The following LEPROTL1 variants were observed in gnomAD, a reference collection of about 807,000 sequenced individuals.
The protein encoded by LEPROTL1 is leptin receptor overlapping transcript like 1, also known as leptin receptor overlapping transcript-like 1.
LEPROTL1 carries 6 observed loss-of-function variants against 15.4 expected under a neutral mutation model. That is an observed-to-expected ratio of 0.39 (90% confidence interval 0.21 to 0.77). The LOEUF is 0.77. Among genes scored for constraint, LEPROTL1 ranks in the 30% least tolerant of loss-of-function variants. The pLI is 0.41. For synonymous variants in LEPROTL1, 56 were observed against 52.6 expected, an observed-to-expected ratio of 1.06 and a Z score of -0.28; for missense variants, 128 against 158.1, an observed-to-expected ratio of 0.81 and a Z score of 1.02.
intron 3 of LEPROTL1, among the ~76,000 whole-genome samples, chr8:30,129,582 G>A (rs954948213): frequency 2.4e-4 from 37 of 152,122 alleles, no homozygotes; most frequent in African/African-American, 5.8e-4. Context: ...GCATGTGCCC[G>A]TAGTCCCAGC....
chr8:30,105,926 G>A lies in LEPROTL1; in HGVS notation c.*64G>A. The A allele has an allele frequency of 7.1e-7, 1 of 1,416,314 alleles. No homozygotes were observed. Among genetic ancestry groups the A allele is most frequent in the Non-Finnish European group, 9.3e-7 (1 of 1,075,752 alleles). The allele number at this position is 1,416,314 out of a possible 1,614,324, so 87.7% of individuals were successfully genotyped here. On this transcript the variant is annotated 3_prime_UTR_variant, in exon 4 of 4. Transcript: ENST00000321250. Reference sequence around the variant, plus strand: ...CATTTGTTGGCCATTCACGCACACAGGAGATGGGGCAGTTAATGCTGAATG... The same window carrying A: ...CATTTGTTGGCCATTCACGCACACAAGAGATGGGGCAGTTAATGCTGAATG...
chr8:30,106,862 A>G lies in LEPROTL1; in HGVS notation c.*1000A>G. 1.0e-6 allele frequency: 1 copy of G among 984,004 alleles called. No individual in the cohort carries two copies. The highest frequency in any genetic ancestry group is 1.2e-6 in the Non-Finnish European group (1 of 828,254). 61.0% of individuals were successfully genotyped at this position (984,004 alleles called of 1,614,324 possible). A position where few individuals can be genotyped will look rare whatever the true frequency, so the allele number is the denominator to read the frequency against. ...TTATTTGGTATGTTGTATATATTAC[A>G]TAAAATAACTTTTCAAATATAGTTT... is the stretch of plus-strand genomic sequence containing the variant. On this transcript the variant is annotated 3_prime_UTR_variant, in exon 4 of 4. Coordinates refer to ENST00000321250, the MANE Select transcript of LEPROTL1 (RefSeq NM_015344.3).
At chr8:30,110,074 C>G (rs1802632135), downstream of LEPROTL1, among the ~76,000 whole-genome samples, 1 of 152,048 alleles carries the variant, frequency 6.6e-6, no homozygotes, top group Non-Finnish European at 1.5e-5. Context: ...TGTTTAGTTA[C>G]TGAAAGTTTA....
rs1258225281 is a variant in LEPROTL1 at position 30,114,787 on chromosome 8, A to G, written c.279+10301A>G. On this transcript the variant is annotated intron_variant, in intron 3 of 4. Transcript: ENST00000442880. ...AGATTGGCTGTGATTCTACTGGAAT[A>G]TTGTCTCAGGAACCTGGGCTATCAG... Among the ~76,000 whole-genome samples, 7 of 152,164 alleles carry G rather than the reference A, an allele frequency of 4.6e-5. No individual in the cohort carries two copies. In the East Asian group the frequency reaches 1.3e-3, roughly 29 times the overall value.
intron 2 of LEPROTL1, among the ~76,000 whole-genome samples, chr8:30,104,042 T>G (rs1802515509): frequency 6.6e-6 from 1 of 152,224 alleles, no homozygotes; most frequent in African/African-American, 2.4e-5. Flanking sequence ...GTAAAAGCCA[T>G]CTATTTTTAT....
chr8:30,111,057 G>A (rs562591719), downstream of LEPROTL1, among the ~76,000 whole-genome samples: 36 of 152,260 alleles, frequency 2.4e-4, no homozygotes, highest in African/African-American at 8.2e-4. Context: ...TGAAAGCTAG[G>A]TTTACTTATG....
rs142002582 is a variant in LEPROTL1, at chr8:30,113,609, G to A, written c.279+9123G>A. On this transcript the variant is annotated intron_variant, in intron 3 of 4. Coordinates refer to the LEPROTL1 transcript ENST00000442880. ...ACTACGCATCTCCACGTACACACAG[G>A]TCTCCATCTCACCCTCCATTATGGG... 9.2e-5 allele frequency among the ~76,000 whole-genome samples: 14 copies of A among 152,236 alleles called. No individual in the cohort carries two copies. The East Asian group carries it at 2.5e-3, about 27-fold the overall frequency.
Position 30,107,695 on chromosome 8 carries a change from A to G in LEPROTL1, c.*1833A>G, listed in dbSNP as rs1802590978. On this transcript the variant is annotated 3_prime_UTR_variant, in exon 4 of 4. Transcript: ENST00000321250. ...TTTCAAGAGGAAGGTGCAGGTACAC[A>G]TGAGTTAGAGAGCTGGTGAGACAGT... The G allele has an allele frequency of 1.0e-6, 1 of 985,540 alleles. No individual in the cohort carries two copies. The highest frequency in any genetic ancestry group is 1.2e-6 in the Non-Finnish European group (1 of 829,938). The allele number at this position is 985,540 out of a possible 1,614,324, so 61.0% of individuals were successfully genotyped here. A position where few individuals can be genotyped will look rare whatever the true frequency, so the allele number is the denominator to read the frequency against.
intron 1 of LEPROTL1, among the ~76,000 whole-genome samples, chr8:30,101,016 C>T (rs912013091): frequency 1.3e-5 from 2 of 152,170 alleles, no homozygotes; most frequent in Non-Finnish European, 2.9e-5. Context: ...GAAGGAAACC[C>T]AGCTCTACTT....
intron 2 of LEPROTL1, 59 bp from the exon 3 acceptor site, chr8:30,104,241 T>C: frequency 2.9e-6 from 3 of 1,039,932 alleles, no homozygotes; most frequent in Non-Finnish European, 4.1e-6. Context: ...AAAGACCATA[T>C]TTTGTGTGTA....
At chr8:30,118,030 T>G (rs1207379768) in intron 3 of LEPROTL1, among the ~76,000 whole-genome samples, 2 of 144,006 alleles carry the variant, frequency 1.4e-5, no homozygotes, top group Non-Finnish European at 1.5e-5. Context: ...TTTTTTTTTT[T>G]TTTTTTTTTT....
chr8:30,095,501 G>A lies in LEPROTL1; in HGVS notation c.-12G>A. 1.4e-6 allele frequency: 2 copies of A among 1,461,884 alleles called. No individual in the cohort carries two copies. Among genetic ancestry groups the A allele is most frequent in the Non-Finnish European group, 1.8e-6 (2 of 1,111,006 alleles). 90.6% of individuals were successfully genotyped at this position (1,461,884 alleles called of 1,614,324 possible). ...CGCCTCGGGTCGTGGAGCCAGGAGC[G>A]ACGTCACCGCCATGGCAGGCATCAA... On this transcript the variant is annotated 5_prime_UTR_variant, in exon 1 of 4. Coordinates refer to ENST00000321250, the MANE Select transcript of LEPROTL1 (RefSeq NM_015344.3).
Position 30,115,454 on chromosome 8 carries a change from C to A in LEPROTL1, c.279+10968C>A, listed in dbSNP as rs1465513370. Among the ~76,000 whole-genome samples the A allele has an allele frequency of 2.0e-5, 3 of 151,752 alleles. No individual in the cohort carries two copies. The East Asian group carries it at 5.8e-4, about 29-fold the overall frequency. On this transcript the variant is annotated intron_variant, in intron 3 of 4. Transcript: ENST00000442880. ...GCATACCTTCATCTAATCCTGCACC[C>A]TTGATCTCCCTGGGCTTAGGTGATC...
chr8:30,110,386 C>CGCGT (rs1802636457), downstream of LEPROTL1, among the ~76,000 whole-genome samples: 1 of 151,826 alleles, frequency 6.6e-6, no homozygotes, highest in South Asian at 2.1e-4. Flanking sequence ...TGTGCGTGCG[C>CGCGT]GCGTGTGTGT....
At chr8:30,137,221 C>G (rs1803167222) in intron 4 of LEPROTL1, 4 of 1,373,974 alleles carry the variant, frequency 2.9e-6, no homozygotes, top group Admixed American at 2.0e-5. Context: ...CTTGCTGATT[C>G]ATGACAACAC....
intron 3 of LEPROTL1, among the ~76,000 whole-genome samples, chr8:30,115,880 G>A (rs12679675): frequency 0.86 from 130,667 of 151,958 alleles, 57,337 homozygotes; most frequent in South Asian, 0.98. Context: ...ATATGAAAAT[G>A]ATCACTCTCA....
chr8:30,107,836 C>T lies in LEPROTL1; in HGVS notation c.*1974C>T, dbSNP rs1484441581. On this transcript the variant is annotated 3_prime_UTR_variant, in exon 4 of 4. Coordinates refer to ENST00000321250, the MANE Select transcript of LEPROTL1 (RefSeq NM_015344.3). The stretch of plus-strand genomic sequence containing the variant: ...TGCAGTGCACTGCTACTGTTTTATC[C>T]ACTTGGCCACAGACTTTTTCTAACA... The T allele has an allele frequency of 1.0e-6, 1 of 985,194 alleles. No individual in the cohort carries two copies. Among genetic ancestry groups the T allele is most frequent in the Non-Finnish European group, 1.2e-6 (1 of 829,900 alleles). The allele number at this position is 985,194 out of a possible 1,614,324, so 61.0% of individuals were successfully genotyped here. A position where few individuals can be genotyped will look rare whatever the true frequency, so the allele number is the denominator to read the frequency against.
chr8:30,095,662 C>T lies in LEPROTL1; in HGVS notation c.16+134C>T, dbSNP rs1585457622. The T allele has an allele frequency of 6.7e-6, 5 of 745,484 alleles. No individual in the cohort carries two copies. In the East Asian group the frequency reaches 1.7e-4, roughly 26 times the overall value. The allele number at this position is 745,484 out of a possible 1,614,324, so 46.2% of individuals were successfully genotyped here. A position where few individuals can be genotyped will look rare whatever the true frequency, so the allele number is the denominator to read the frequency against. On this transcript the variant is annotated intron_variant, in intron 1 of 3. Transcript: ENST00000321250. Reference sequence around the variant, plus strand: ...GGTCCCTGCGCCGGGGAAGCGACCCCCGCCCCGGCCCTGCGCTTGGCCCGG... The same window carrying T: ...GGTCCCTGCGCCGGGGAAGCGACCCTCGCCCCGGCCCTGCGCTTGGCCCGG...
intron 3 of LEPROTL1, chr8:30,104,782 A>G: frequency 5.8e-6 from 1 of 172,386 alleles, no homozygotes; most frequent in Non-Finnish European, 1.1e-5. Context: ...GCGTGATCTC[A>G]CCTCACTGCA....
Sources: gnomAD v4.1 joint callset for allele counts (sites outside exome capture counted in the v4.1 genomes callset) on GRCh38, gnomAD v4.1.1 for gene constraint, MANE v1.5 for transcripts, NCBI Gene and HGNC (gene_info 2026-07-23, HGNC 2026-07-21) for gene names.